Variants in GPATCH2 observed in about 807,000 individuals in gnomAD.
GPATCH2 encodes the protein G-patch domain containing 2.
Under a neutral mutation model 58.0 loss-of-function variants are expected in GPATCH2, and 51 were observed. The ratio of observed to expected loss-of-function variants is 0.88; its 90% CI spans 0.70 to 1.11. The LOEUF (loss-of-function observed/expected upper bound fraction) is 1.11, where lower values mean the gene tolerates loss of function less well. Ranked by LOEUF, GPATCH2 falls within the 50% of genes most tolerant of loss-of-function variation. The pLI is 0.00. For synonymous variants in GPATCH2, 222 were observed against 218.5 expected (o/e 1.02, Z -0.14); for missense variants, 625 against 652.2 (o/e 0.96, Z 0.45).
chr1:217,459,461 C>T (rs1660102105), intron 8 of GPATCH2, among the ~76,000 whole-genome samples: 1 of 152,128 alleles, frequency 6.6e-6, no homozygotes, highest in South Asian at 2.1e-4. Context: ...ACCACAGTAC[C>T]TAGGAAATAG....
At chr1:217,441,114 G>A (rs1298806999) in intron 9 of GPATCH2, among the ~76,000 whole-genome samples, 2 of 152,122 alleles carry the variant, frequency 1.3e-5, no homozygotes, top group Admixed American at 6.5e-5. Flanking sequence ...TAGACTGCAA[G>A]GCTACAGTAA....
chr1:217,560,265 C>T (rs1299601518), intron 5 of GPATCH2, among the ~76,000 whole-genome samples: 10 of 152,206 alleles, frequency 6.6e-5, no homozygotes, highest in Non-Finnish European at 1.2e-4. Flanking sequence ...TGAGTGCATG[C>T]TACTTGTCCT....
chr1:217,562,613 G>A (rs144042348), intron 5 of GPATCH2, among the ~76,000 whole-genome samples: 2 of 152,308 alleles, frequency 1.3e-5, no homozygotes, highest in East Asian at 3.9e-4. Context: ...TTTACCAGTG[G>A]TCTAATCTGA....
intron 5 of GPATCH2, among the ~76,000 whole-genome samples, chr1:217,570,319 A>C (rs558837202): frequency 3.9e-5 from 6 of 151,926 alleles, no homozygotes; most frequent in Middle Eastern, 3.4e-3. Context: ...CACCATGTTG[A>C]CCAGGCTGGT....
At chr1:217,480,128 A>G (rs1661150644) in intron 8 of GPATCH2, among the ~76,000 whole-genome samples, 1 of 152,122 alleles carries the variant, frequency 6.6e-6, no homozygotes, top group African/African-American at 2.4e-5. Context: ...CCAAAGCAAA[A>G]ATGGACAAAT....
chr1:217,431,056 T>A lies in GPATCH2; in HGVS notation c.*89A>T. 1.3e-6 allele frequency: 1 copy of A among 764,906 alleles called. No homozygotes were observed. The highest frequency in any genetic ancestry group is 2.4e-5 in the East Asian group (1 of 41,046). 47.4% of individuals were successfully genotyped at this position (764,906 alleles called of 1,614,324 possible). A position where few individuals can be genotyped will look rare whatever the true frequency, so the allele number is the denominator to read the frequency against. On this transcript the variant is annotated 3_prime_UTR_variant, in exon 10 of 10. Transcript: ENST00000366935. ...GTGATGTGTTTGAGGCAATGTAGAT[T>A]TTTGCTTCAAAAACAGAAGTCATGT... is the stretch of plus-strand genomic sequence containing the variant.
intron 5 of GPATCH2, among the ~76,000 whole-genome samples, chr1:217,522,031 A>T (rs1468281039): frequency 2.0e-5 from 3 of 152,216 alleles, no homozygotes; most frequent in African/African-American, 7.2e-5. Context: ...TGACAGAATG[A>T]AAATTATACT....
intron 9 of GPATCH2, among the ~76,000 whole-genome samples, chr1:217,438,844 C>T (rs1367376861): frequency 6.6e-6 from 1 of 151,998 alleles, no homozygotes; most frequent in Non-Finnish European, 1.5e-5. Flanking sequence ...AGGCCAACAC[C>T]TGTCTTCTCG....
chr1:217,577,678 C>T (rs1196756057), intron 5 of GPATCH2, among the ~76,000 whole-genome samples: 1 of 152,044 alleles, frequency 6.6e-6, no homozygotes, highest in East Asian at 1.9e-4. Flanking sequence ...TCAAGAAACC[C>T]ATAAAAGTAT....
At chr1:217,443,013 A>C (rs899067319) in intron 9 of GPATCH2, among the ~76,000 whole-genome samples, 1 of 152,148 alleles carries the variant, frequency 6.6e-6, no homozygotes, top group African/African-American at 2.4e-5. Flanking sequence ...GTCAACATGC[A>C]TATCTTGTTT....
chr1:217,605,298 G>A lies in GPATCH2; in HGVS notation c.1098+5023C>T, dbSNP rs905145469. The stretch of plus-strand genomic sequence containing the variant: ...TTATTGTGTTCAGGGTTTTTGTATA[G>A]TGAATGCAAACAGTATGCTTATTTG... On this transcript the variant is annotated intron_variant, in intron 5 of 9. Transcript: ENST00000366935. Among the ~76,000 whole-genome samples the A allele has an allele frequency of 2.0e-5, 3 of 152,170 alleles. No individual in the cohort carries two copies. In the East Asian group the frequency reaches 5.8e-4, roughly 29 times the overall value.
At chr1:217,562,502 T>C (rs1163465287) in intron 5 of GPATCH2, among the ~76,000 whole-genome samples, 10 of 151,852 alleles carry the variant, frequency 6.6e-5, no homozygotes, top group Non-Finnish European at 1.5e-5. Context: ...ATCAAGAAAA[T>C]ATGGGGCTTG....
intron 5 of GPATCH2, among the ~76,000 whole-genome samples, chr1:217,579,128 G>A (rs187272384): frequency 2.3e-4 from 35 of 152,030 alleles, no homozygotes; most frequent in African/African-American, 8.0e-4. Context: ...AAGGTGTAAC[G>A]CACCTAAACA....
At chr1:217,432,986 A>G (rs918657334) in intron 9 of GPATCH2, among the ~76,000 whole-genome samples, 11 of 152,148 alleles carry the variant, frequency 7.2e-5, no homozygotes, top group Non-Finnish European at 1.3e-4. Context: ...ATGTCTTCCT[A>G]GACAGAGGTT....
chr1:217,553,244 T>A (rs1665447764), intron 5 of GPATCH2, among the ~76,000 whole-genome samples: 1 of 152,122 alleles, frequency 6.6e-6, no homozygotes, highest in South Asian at 2.1e-4. Context: ...CAGCTACCTA[T>A]CAGTAGCTAA....
chr1:217,564,045 GAAAAAAAAAAAAAAAA>G (rs59348467), intron 5 of GPATCH2, among the ~76,000 whole-genome samples: 3 of 58,216 alleles, frequency 5.2e-5, no homozygotes, highest in African/African-American at 8.2e-5. Flanking sequence ...ACTCCGTCTC[GAAAAAAAAAAAAAAAA>G]AAAAAAAAAA....
chr1:217,447,725 C>G (rs376006623), intron 9 of GPATCH2, among the ~76,000 whole-genome samples: 5 of 152,168 alleles, frequency 3.3e-5, no homozygotes, highest in Non-Finnish European at 7.3e-5. Flanking sequence ...TTATATGGAA[C>G]AACTGCATTA....
intron 5 of GPATCH2, among the ~76,000 whole-genome samples, chr1:217,554,092 G>A (rs1227557734): frequency 1.3e-5 from 2 of 152,204 alleles, no homozygotes; most frequent in African/African-American, 4.8e-5. Context: ...AGCTCCAGCT[G>A]ATAATGATGA....
At chr1:217,620,563 A>G (rs1160345373) in intron 1 of GPATCH2, 64 bp from the exon 2 acceptor site, 1 of 894,460 alleles carries the variant, frequency 1.1e-6, no homozygotes, top group South Asian at 1.7e-5. Context: ...CTCATTTTCT[A>G]TAACAGACAA....
Sources: allele counts gnomAD v4.1 joint callset (sites outside exome capture counted in the v4.1 genomes callset), GRCh38; gene constraint gnomAD v4.1.1; transcripts MANE v1.5; gene names NCBI Gene and HGNC (gene_info 2026-07-23, HGNC 2026-07-21).